The following DIAPH1 variants were observed in gnomAD, a reference collection of about 807,000 sequenced individuals.
DIAPH1 encodes protein diaphanous homolog 1.
Under a neutral mutation model 140.7 loss-of-function variants are expected in DIAPH1, and 46 were observed. The observed-to-expected ratio is 0.33, with a 90% CI of 0.26 to 0.42. DIAPH1 has a LOEUF of 0.42. DIAPH1 is among the 10% of genes least tolerant of loss of function. The probability of loss-of-function intolerance (pLI) is 1.00; values close to 1 mark genes in which losing one functional copy is unlikely to be tolerated. For synonymous variants in DIAPH1, 565 were observed against 551.6 expected (o/e 1.02, Z -0.34); for missense variants, 1,310 against 1,558.7 (o/e 0.84, Z 2.69).
intron 1 of DIAPH1, chr5:141,618,591 C>T (rs1186590551): frequency 4.3e-6 from 2 of 469,884 alleles, no homozygotes; most frequent in Non-Finnish European, 7.9e-6. Flanking sequence ...CCCGAGGTGG[C>T]CGGGGCAAGA....
intron 14 of DIAPH1, 143 bp from the exon 15 acceptor site, chr5:141,575,289 T>G (rs1259255820): frequency 1.2e-6 from 1 of 807,686 alleles, no homozygotes; most frequent in East Asian, 2.6e-5. Context: ...GGGCCAGTAC[T>G]TGATTTACAG....
chr5:141,606,193 G>A (rs989488916), intron 1 of DIAPH1, among the ~76,000 whole-genome samples: 6 of 152,104 alleles, frequency 3.9e-5, no homozygotes, highest in African/African-American at 1.4e-4. Flanking sequence ...ACTGCCACTA[G>A]TACTTTTTGT....
intron 18 of DIAPH1, among the ~76,000 whole-genome samples, chr5:141,556,322 GA>G (rs1005846584): frequency 7.8e-4 from 117 of 150,836 alleles, no homozygotes; most frequent in Non-Finnish European, 1.4e-3. Flanking sequence ...AAGTATTCGG[GA>G]AAAAAAAAGC....
chr5:141,569,308 G>A (rs1171087077), intron 18 of DIAPH1, among the ~76,000 whole-genome samples: 1 of 152,084 alleles, frequency 6.6e-6, no homozygotes, highest in East Asian at 1.9e-4. Flanking sequence ...TCATCTGGAA[G>A]ATGAAATATT....
intron 27 of DIAPH1, chr5:141,518,932 C>T: frequency 1.3e-6 from 2 of 1,550,560 alleles, no homozygotes; most frequent in Non-Finnish European, 1.7e-6. Context: ...ACGCAGCATG[C>T]ACACAGGTTA....
At position 141,576,225 on chromosome 5, in the gene DIAPH1, T is replaced by C. The variant is rs542750090; in HGVS notation, c.1461+5A>G. 24 of 1,608,524 alleles carry C rather than the reference T, an allele frequency of 1.5e-5. No individual in the cohort carries two copies. The South Asian group carries it at 2.5e-4, about 17-fold the overall frequency. ...AAACACATGTCTTTGGTCTCTCATA[T>C]GCACCTTCTTTTCCAGCTCTGCAGC... On this transcript the variant is annotated splice_donor_5th_base_variant and intron_variant, in intron 14 of 27. Coordinates refer to ENST00000389054, the MANE Select transcript of DIAPH1 (RefSeq NM_005219.5).
intron 1 of DIAPH1, among the ~76,000 whole-genome samples, chr5:141,591,707 TA>T (rs2099898463): frequency 1.2e-5 from 1 of 80,006 alleles, no homozygotes; most frequent in African/African-American, 4.8e-5. Context: ...TATATATATA[TA>T]TATATATATA....
intron 27 of DIAPH1, among the ~76,000 whole-genome samples, chr5:141,522,578 CAAAAAAAAAAA>C (rs5871776): frequency 3.7e-4 from 33 of 88,956 alleles, no homozygotes; most frequent in Non-Finnish European, 6.5e-4. Context: ...CCGACGGGGT[CAAAAAAAAAAA>C]AAAAAAAAAC....
At chr5:141,615,979 T>C (rs987746256) in intron 1 of DIAPH1, among the ~76,000 whole-genome samples, 1 of 152,198 alleles carries the variant, frequency 6.6e-6, no homozygotes, top group Non-Finnish European at 1.5e-5. Flanking sequence ...AAACCCTCTG[T>C]TCACCTAAAA....
chr5:141,604,152 C>G (rs1427276358), intron 1 of DIAPH1, among the ~76,000 whole-genome samples: 1 of 152,228 alleles, frequency 6.6e-6, no homozygotes, highest in Non-Finnish European at 1.5e-5. Context: ...GTAGCAGGCA[C>G]ACCGGTATCT....
In DIAPH1 at chr5:141,573,345, G is replaced by A. The variant is rs2099895474; in HGVS notation, c.2358+147C>T. On this transcript the variant is annotated intron_variant, in intron 16 of 27. Coordinates refer to ENST00000389054, the MANE Select transcript of DIAPH1 (RefSeq NM_005219.5). Reference sequence around the variant, plus strand: ...AGCTACACGGGAGGCTGAGGCAGGAGAATGGCGTGAACCCGGGAGGCGGAG... The same window carrying A: ...AGCTACACGGGAGGCTGAGGCAGGAAAATGGCGTGAACCCGGGAGGCGGAG... 5 of 950,778 alleles carry A rather than the reference G, an allele frequency of 5.3e-6. No individual in the cohort carries two copies. In the South Asian group the frequency reaches 5.7e-5, roughly 11 times the overall value. 58.9% of individuals were successfully genotyped at this position (950,778 alleles called of 1,614,324 possible).
chr5:141,564,874 C>A (rs967743803), intron 18 of DIAPH1: 1 of 152,188 alleles, frequency 6.6e-6, no homozygotes, highest in Non-Finnish European at 1.5e-5. Context: ...ACCCCTGGTG[C>A]AATCTTATTA....
Position 141,550,270 on chromosome 5 carries a change from G to A in DIAPH1, c.2483-15837C>T, listed in dbSNP as rs144666311. 4.2e-3 allele frequency among the ~76,000 whole-genome samples: 646 copies of A among 152,188 alleles called. 5 individuals are homozygous for A. Among genetic ancestry groups the A allele is most frequent in the African/African-American group, 0.015 (608 of 41,532 alleles). On this transcript the variant is annotated intron_variant, in intron 18 of 27. Coordinates refer to ENST00000389054, the MANE Select transcript of DIAPH1 (RefSeq NM_005219.5). ...AACCTGAATCTAATAATGAGGACAC[G>A]AGACAAATCCAAACTGATGGACACG...
intron 18 of DIAPH1, among the ~76,000 whole-genome samples, chr5:141,542,838 T>C (rs1169218843): frequency 6.6e-6 from 1 of 152,202 alleles, no homozygotes; most frequent in Non-Finnish European, 1.5e-5. Flanking sequence ...AAATGGTTAA[T>C]TTTATGTTGT....
intron 1 of DIAPH1, 171 bp downstream of exon 1, chr5:141,618,627 G>A: frequency 5.9e-6 from 3 of 507,270 alleles, no homozygotes; most frequent in South Asian, 5.0e-5. Flanking sequence ...GGGGCTTCCC[G>A]AGGTCCCGAA....
At chr5:141,576,181 C>G in intron 14 of DIAPH1, 49 bp downstream of exon 14, 1 of 1,420,450 alleles carries the variant, frequency 7.0e-7, no homozygotes, top group Non-Finnish European at 1.0e-6. Flanking sequence ...AATAATAATT[C>G]TCAAAGAAAG....
intron 14 of DIAPH1, 93 bp from the exon 15 acceptor site, chr5:141,575,239 T>A: frequency 7.5e-7 from 1 of 1,325,248 alleles, no homozygotes; most frequent in Non-Finnish European, 1.1e-6. Context: ...CCTCCTCTTT[T>A]GCCTGGGGGT....
intron 3 of DIAPH1, 34 bp downstream of exon 3, chr5:141,587,007 AG>A: frequency 6.2e-7 from 1 of 1,613,184 alleles, no homozygotes; most frequent in Non-Finnish European, 8.5e-7. Flanking sequence ...ATAAATGCAC[AG>A]GAAGAAGCAA....
In DIAPH1 at chr5:141,577,440, C is replaced by G. The variant is rs764619315; in HGVS notation, c.1280+35G>C. On this transcript the variant is annotated intron_variant, in intron 12 of 27. Transcript: ENST00000389054. ...GGAATTCACTCTCTCCACTTAGGCTCAAATTCAAAACTTCTCATAAGCACA... is the reference window on the plus strand; with the variant it reads ...GGAATTCACTCTCTCCACTTAGGCTGAAATTCAAAACTTCTCATAAGCACA... 1.2e-5 allele frequency: 17 copies of G among 1,435,442 alleles called. No individual in the cohort carries two copies. The South Asian group carries it at 1.7e-4, about 14-fold the overall frequency. The allele number at this position is 1,435,442 out of a possible 1,614,324, so 88.9% of individuals were successfully genotyped here.
Sources: allele counts gnomAD v4.1 joint callset (sites outside exome capture counted in the v4.1 genomes callset), GRCh38; gene constraint gnomAD v4.1.1; transcripts MANE v1.5; gene names NCBI Gene and HGNC (gene_info 2026-07-23, HGNC 2026-07-21).